Variants in HMCN1 observed in about 807,000 individuals in gnomAD.
The protein encoded by HMCN1 is hemicentin-1.
In HMCN1, 321 loss-of-function variants were observed where a neutral mutation model predicts 625.9. The ratio of observed to expected loss-of-function variants is 0.51; its 90% CI spans 0.47 to 0.56. HMCN1 has a LOEUF of 0.56. Among genes scored for constraint, HMCN1 ranks in the 20% least tolerant of loss-of-function variants. The pLI is 0.00. For synonymous variants in HMCN1, 2,425 were observed against 2,417.6 expected, an observed-to-expected ratio of 1.00 and a Z score of -0.09; for missense variants, 6,588 against 6,887.3, an observed-to-expected ratio of 0.96 and a Z score of 1.54.
At chr1:186,127,798 A>G (rs1661720070) in intron 82 of HMCN1, among the ~76,000 whole-genome samples, 1 of 152,168 alleles carries the variant, frequency 6.6e-6, no homozygotes, top group South Asian at 2.1e-4. Context: ...CAGAGCAGCA[A>G]TACACTTGAT....
chr1:185,737,374 T>C (rs1243871479), intron 1 of HMCN1, among the ~76,000 whole-genome samples: 2 of 152,150 alleles, frequency 1.3e-5, no homozygotes, highest in Non-Finnish European at 2.9e-5. Context: ...AGTCTTGAAC[T>C]CCTGGCCTCA....
chr1:186,171,157 T>C (rs576185924), intron 100 of HMCN1, among the ~76,000 whole-genome samples, 180 bp from the exon 101 acceptor site: 1 of 152,268 alleles, frequency 6.6e-6, no homozygotes, highest in South Asian at 2.1e-4. Context: ...TGAAGGGAGA[T>C]ACCCTCTCCA....
intron 97 of HMCN1, among the ~76,000 whole-genome samples, chr1:186,158,686 A>G (rs1442727281): frequency 6.6e-6 from 1 of 152,200 alleles, no homozygotes; most frequent in Non-Finnish European, 1.5e-5. Context: ...CATTTATTAA[A>G]TAGGGAGTCC....
intron 18 of HMCN1, 151 bp downstream of exon 18, chr1:185,982,540 AAGG>A: frequency 2.8e-6 from 2 of 716,292 alleles, no homozygotes; most frequent in Non-Finnish European, 2.3e-6. Context: ...TCCTGGGTTG[AAGG>A]GATTCTCATG....
At chr1:186,001,132 A>G (rs1024705482) in intron 26 of HMCN1, among the ~76,000 whole-genome samples, 166 bp from the exon 27 acceptor site, 1 of 152,128 alleles carries the variant, frequency 6.6e-6, no homozygotes, top group African/African-American at 2.4e-5. Flanking sequence ...TTATAAATAC[A>G]TTGGTCAAAA....
chr1:185,964,986 A>G (rs1650302004), intron 13 of HMCN1, among the ~76,000 whole-genome samples: 1 of 152,124 alleles, frequency 6.6e-6, no homozygotes, highest in Non-Finnish European at 1.5e-5. Context: ...TTTTTGAAAG[A>G]GAGTCTATGG....
At chr1:186,124,675 G>A (rs556513105) in intron 81 of HMCN1, among the ~76,000 whole-genome samples, 10 of 151,750 alleles carry the variant, frequency 6.6e-5, no homozygotes, top group East Asian at 5.8e-4. Flanking sequence ...TATTTTAATC[G>A]AAAACAGTTA....
At position 186,117,572 on chromosome 1, in the gene HMCN1, A is replaced by G; in HGVS notation, c.11797A>G (p.Asn3933Asp). Residue 3933 changes from asparagine to aspartate, a missense_variant, in exon 77 of 107, where the codon AAT (asparagine) becomes GAT (aspartate). By Grantham distance (23) the Asn-to-Asp change is conservative. This residue lies in a region of HMCN1 where 4,628 missense variants were observed against 4,853.1 expected (regional missense o/e 0.95). Coordinates refer to ENST00000271588, the MANE Select transcript of HMCN1 (RefSeq NM_031935.3). Reference sequence around the variant, plus strand: ...ATTTCCCTCAATTCACTGGACCAAAAATGGTATAAGACTGCTTCCCAGGGG... The same window carrying G: ...ATTTCCCTCAATTCACTGGACCAAAGATGGTATAAGACTGCTTCCCAGGGG... ...VPFPSIHWTKNGIRLLPRGDG... is the reference protein window; with the variant it reads ...VPFPSIHWTKDGIRLLPRGDG... 6.2e-7 allele frequency: 1 copy of G among 1,613,882 alleles called. No individual in the cohort carries two copies. Among genetic ancestry groups the G allele is most frequent in the African/African-American group, 1.3e-5 (1 of 75,018 alleles).
chr1:185,956,166 C>T (rs902520417), intron 11 of HMCN1, among the ~76,000 whole-genome samples: 2 of 151,954 alleles, frequency 1.3e-5, no homozygotes, highest in South Asian at 2.1e-4. Context: ...TTCCATATAC[C>T]GAACTTCACT....
chr1:186,187,771 T>C (rs1489540934), intron 105 of HMCN1, 112 bp from the exon 106 acceptor site: 1 of 1,389,376 alleles, frequency 7.2e-7, no homozygotes, highest in African/African-American at 1.4e-5. Context: ...AGTTCATTCA[T>C]GGCAGGAGAA....
chr1:185,964,640 A>G (rs1027856907), intron 13 of HMCN1, among the ~76,000 whole-genome samples: 1 of 152,162 alleles, frequency 6.6e-6, no homozygotes, highest in African/African-American at 2.4e-5. Context: ...CTCATAATTT[A>G]CATAATGGGG....
rs1414370753 is a variant in HMCN1 at position 185,987,431 on chromosome 1, G to C, written c.2936-1G>C. The C allele has an allele frequency of 5.6e-6, 9 of 1,601,942 alleles. No homozygotes were observed. Among genetic ancestry groups the C allele is most frequent in the Non-Finnish European group, 6.8e-6 (8 of 1,169,038 alleles). On this transcript the variant is annotated splice_acceptor_variant, in intron 19 of 106. Transcript: ENST00000271588. LOFTEE classifies it high-confidence loss of function. ...ATTCCAAATCCTACTTACCTTTTCAGTTCTGCCAACCATTCAGCATGGGCA... is the reference window on the plus strand; with the variant it reads ...ATTCCAAATCCTACTTACCTTTTCACTTCTGCCAACCATTCAGCATGGGCA...
chr1:185,778,094 A>G (rs1571336484), intron 1 of HMCN1, among the ~76,000 whole-genome samples: 2 of 152,186 alleles, frequency 1.3e-5, no homozygotes. Context: ...TTCCAGAGTC[A>G]AGATGAACTC....
intron 25 of HMCN1, 99 bp from the exon 26 acceptor site, chr1:185,999,946 A>T: frequency 1.2e-6 from 1 of 810,806 alleles, no homozygotes; most frequent in Non-Finnish European, 2.0e-6. Context: ...GTTATAAATT[A>T]TTGTCATAAC....
At chr1:185,761,061 C>G (rs1655470676) in intron 1 of HMCN1, among the ~76,000 whole-genome samples, 1 of 152,056 alleles carries the variant, frequency 6.6e-6, no homozygotes, top group African/African-American at 2.4e-5. Context: ...GGACAAGGAG[C>G]TGGGAAAAGT....
chr1:186,008,891 G>A (rs1359476881), intron 30 of HMCN1, among the ~76,000 whole-genome samples: 1 of 152,002 alleles, frequency 6.6e-6, no homozygotes, highest in Non-Finnish European at 1.5e-5. Context: ...CTTTTTAAAT[G>A]TTACTGTCTT....
intron 28 of HMCN1, among the ~76,000 whole-genome samples, chr1:186,003,327 T>G (rs1459377526): frequency 1.3e-5 from 2 of 152,174 alleles, no homozygotes; most frequent in East Asian, 3.9e-4. Flanking sequence ...AGCACCACAC[T>G]ATATGTAGAA....
In HMCN1 at chr1:186,086,863, G is replaced by T. The variant is rs554688628; in HGVS notation, c.9047-354G>T. 4.1e-5 allele frequency among the ~76,000 whole-genome samples: 6 copies of T among 146,060 alleles called. No individual in the cohort carries two copies. The Admixed American group carries it at 4.1e-4, about 10-fold the overall frequency. On this transcript the variant is annotated intron_variant, in intron 58 of 106. Transcript: ENST00000271588. ...AGATAGATAGATAGATAGATAGATA[G>T]ATAGATTAGACACCTCGGCATTGTG... is the stretch of plus-strand genomic sequence containing the variant.
chr1:186,070,673 G>T lies in HMCN1; in HGVS notation c.8055G>T (p.Lys2685Asn), dbSNP rs372684326. ...WGPGLSPKEV[K>N]IKVNNTLTLE... Reference sequence around the variant, plus strand: ...CAGGTCTTTCCCCTAAAGAAGTGAAGATCAAAGTAAACAACACTCTGACCT... The same window carrying T: ...CAGGTCTTTCCCCTAAAGAAGTGAATATCAAAGTAAACAACACTCTGACCT... The change falls in exon 52 of 107, where the codon AAG (lysine) becomes AAT (asparagine). Residue 2685 changes from lysine to asparagine, a missense_variant. Transcript: ENST00000271588. 7.4e-6 allele frequency: 12 copies of T among 1,613,558 alleles called. No individual in the cohort carries two copies. The highest frequency in any genetic ancestry group is 2.5e-6 in the Non-Finnish European group (3 of 1,179,660).
Sources: gnomAD v4.1 joint callset for allele counts (sites outside exome capture counted in the v4.1 genomes callset) on GRCh38, gnomAD v4.1.1 for gene constraint, gnomAD v4.1.1 regional missense constraint, MANE v1.5 for transcripts, NCBI Gene and HGNC (gene_info 2026-07-23, HGNC 2026-07-21) for gene names.